The following GABRB1 variants were observed in gnomAD, a reference collection of about 807,000 sequenced individuals.
The protein encoded by GABRB1 is gamma-aminobutyric acid type A receptor subunit beta1.
GABRB1 carries 17 observed loss-of-function variants against 51.6 expected under a neutral mutation model. The ratio of observed to expected loss-of-function variants is 0.33; its 90% CI spans 0.23 to 0.49. GABRB1 has a LOEUF of 0.49. Ranked by LOEUF, GABRB1 falls within the 20% of genes least tolerant of loss-of-function variation. The pLI, the probability that GABRB1 is intolerant of heterozygous loss-of-function variation, is 0.99. For missense variants in GABRB1, 410 were observed against 600.6 expected, an observed-to-expected ratio of 0.68 and a Z score of 3.32; for synonymous variants, 247 against 218.9, an observed-to-expected ratio of 1.13 and a Z score of -1.14.
chr4:47,001,300 G>GTA (rs1724200760), intron 1 of GABRB1, among the ~76,000 whole-genome samples: 3 of 151,450 alleles, frequency 2.0e-5, no homozygotes, highest in South Asian at 2.1e-4. Context: ...CCCCCACCAC[G>GTA]CCCAGCTAAT....
At chr4:47,172,089 G>A (rs1428840534) in intron 4 of GABRB1, among the ~76,000 whole-genome samples, 1 of 152,012 alleles carries the variant, frequency 6.6e-6, no homozygotes, top group Non-Finnish European at 1.5e-5. Flanking sequence ...TAGATATAGA[G>A]GTGTCCTATT....
intron 2 of GABRB1, among the ~76,000 whole-genome samples, chr4:47,032,213 C>T (rs1577841203): frequency 1.3e-5 from 2 of 152,120 alleles, no homozygotes; most frequent in East Asian, 3.9e-4. Flanking sequence ...GCGACCTTCT[C>T]CCGGGCCGAC....
intron 4 of GABRB1, among the ~76,000 whole-genome samples, chr4:47,255,136 C>T (rs1038521571): frequency 2.0e-5 from 3 of 152,176 alleles, no homozygotes; most frequent in Admixed American, 6.5e-5. Context: ...GTGAGCCAGA[C>T]CTGAGTTCCA....
chr4:47,308,461 A>ATTTGGT (rs2109948478), intron 4 of GABRB1, among the ~76,000 whole-genome samples: 1 of 152,030 alleles, frequency 6.6e-6, no homozygotes, highest in Admixed American at 6.5e-5. Flanking sequence ...CTTCTGTCCT[A>ATTTGGT]TTTGGTTTTG....
intron 3 of GABRB1, among the ~76,000 whole-genome samples, chr4:47,094,413 T>C (rs922557607): frequency 4.0e-5 from 6 of 151,734 alleles, no homozygotes; most frequent in African/African-American, 4.8e-5. Flanking sequence ...TCACTAGAGA[T>C]GGGGTTTCAC....
At chr4:47,088,010 A>T (rs1025741419) in intron 3 of GABRB1, among the ~76,000 whole-genome samples, 2 of 152,166 alleles carry the variant, frequency 1.3e-5, no homozygotes, top group Non-Finnish European at 2.9e-5. Flanking sequence ...TCATGATATT[A>T]TGTGGAAATG....
chr4:47,120,051 A>G (rs1333117895), intron 3 of GABRB1, among the ~76,000 whole-genome samples: 2 of 152,188 alleles, frequency 1.3e-5, no homozygotes, highest in Non-Finnish European at 2.9e-5. Context: ...GAAAAACTGG[A>G]TAAACAAAAA....
chr4:47,371,085 T>TCCCCCCCCCCCCC (rs59604624), intron 5 of GABRB1, among the ~76,000 whole-genome samples: 10 of 129,602 alleles, frequency 7.7e-5, no homozygotes, highest in East Asian at 2.5e-4. Context: ...ATGCTCTCCC[T>TCCCCCCCCCCCCC]CCCCCACCCC....
intron 8 of GABRB1, among the ~76,000 whole-genome samples, chr4:47,411,153 C>A (rs1251058986): frequency 6.6e-6 from 1 of 152,058 alleles, no homozygotes; most frequent in East Asian, 1.9e-4. Flanking sequence ...CAGTAAAAGT[C>A]TCAAATATTG....
At chr4:47,348,391 G>C (rs1480097936) in intron 5 of GABRB1, among the ~76,000 whole-genome samples, 3 of 152,162 alleles carry the variant, frequency 2.0e-5, no homozygotes, top group Non-Finnish European at 4.4e-5. Flanking sequence ...GGCTAAGATA[G>C]TGACACCTTT....
intron 3 of GABRB1, among the ~76,000 whole-genome samples, chr4:47,071,541 C>T (rs1638749791): frequency 6.6e-6 from 1 of 152,154 alleles, no homozygotes; most frequent in African/African-American, 2.4e-5. Flanking sequence ...CCCTGCTCCC[C>T]TCTCAAGCCA....
intron 3 of GABRB1, among the ~76,000 whole-genome samples, chr4:47,077,287 G>T (rs1727600489): frequency 6.6e-6 from 1 of 152,170 alleles, no homozygotes; most frequent in Non-Finnish European, 1.5e-5. Context: ...TCCTTAGCTT[G>T]TTGGGAGCTA....
intron 3 of GABRB1, among the ~76,000 whole-genome samples, chr4:47,095,634 A>T (rs1206470958): frequency 3.9e-5 from 6 of 152,222 alleles, no homozygotes; most frequent in African/African-American, 1.4e-4. Context: ...TTTAATCTTC[A>T]CATTCTTCAT....
At chr4:47,080,841 C>G (rs940629408) in intron 3 of GABRB1, among the ~76,000 whole-genome samples, 1 of 152,170 alleles carries the variant, frequency 6.6e-6, no homozygotes, top group Admixed American at 6.5e-5. Context: ...TGGCCCATCT[C>G]TAGTTGTATT....
intron 3 of GABRB1, among the ~76,000 whole-genome samples, chr4:47,138,825 C>T (rs1246572532): frequency 2.0e-5 from 3 of 152,028 alleles, no homozygotes; most frequent in East Asian, 3.9e-4. Context: ...TCTCTTGGCC[C>T]TCCCAGTTAT....
intron 4 of GABRB1, among the ~76,000 whole-genome samples, chr4:47,315,687 A>T (rs1233218832): frequency 6.6e-6 from 1 of 152,056 alleles, no homozygotes; most frequent in African/African-American, 2.4e-5. Flanking sequence ...ACACCATGGA[A>T]TACTACACAA....
At chr4:47,088,217 A>C (rs888551244) in intron 3 of GABRB1, among the ~76,000 whole-genome samples, 4 of 152,194 alleles carry the variant, frequency 2.6e-5, no homozygotes, top group African/African-American at 9.7e-5. Flanking sequence ...CTAATTAGGG[A>C]AGATTCACAG....
intron 5 of GABRB1, among the ~76,000 whole-genome samples, chr4:47,374,861 A>C (rs1251457642): frequency 6.6e-6 from 1 of 152,240 alleles, no homozygotes. Context: ...AGGGATGGAT[A>C]GACAGAGGGT....
At chr4:47,068,267 T>C (rs533335185) in intron 3 of GABRB1, among the ~76,000 whole-genome samples, 6 of 152,346 alleles carry the variant, frequency 3.9e-5, no homozygotes, top group Admixed American at 3.3e-4. Context: ...TCACTAAAAC[T>C]TTCTCCACGT....
Sources: allele counts gnomAD v4.1 joint callset (sites outside exome capture counted in the v4.1 genomes callset), GRCh38; gene constraint gnomAD v4.1.1; transcripts MANE v1.5; gene names NCBI Gene and HGNC (gene_info 2026-07-23, HGNC 2026-07-21).